Variants in EFCAB6 observed in about 807,000 individuals in gnomAD.
EFCAB6 encodes EF-hand calcium-binding domain-containing protein 6.
Under a neutral mutation model 169.8 loss-of-function variants are expected in EFCAB6, and 156 were observed. That is an observed-to-expected ratio of 0.92 (90% confidence interval 0.81 to 1.05). EFCAB6 has a LOEUF of 1.05. EFCAB6 is among the 50% of genes least tolerant of loss of function. The pLI is 0.00. For missense variants in EFCAB6, 1,800 were observed against 1,829.1 expected, an observed-to-expected ratio of 0.98 and a Z score of 0.29; for synonymous variants, 698 against 676.4, an observed-to-expected ratio of 1.03 and a Z score of -0.50.
intron 26 of EFCAB6, among the ~76,000 whole-genome samples, chr22:43,559,561 A>C (rs1288428276): frequency 6.6e-6 from 1 of 152,230 alleles, no homozygotes; most frequent in African/African-American, 2.4e-5. Flanking sequence ...ACACATACAC[A>C]TGTATGTTTA....
chr22:43,658,452 T>C (rs946314679), intron 17 of EFCAB6, among the ~76,000 whole-genome samples: 1 of 151,986 alleles, frequency 6.6e-6, no homozygotes, highest in Non-Finnish European at 1.5e-5. Flanking sequence ...AGTGACAAAA[T>C]TGGAGACCCG....
intron 10 of EFCAB6, among the ~76,000 whole-genome samples, chr22:43,705,779 C>T (rs768027915): frequency 1.3e-5 from 2 of 152,002 alleles, no homozygotes; most frequent in Non-Finnish European, 2.9e-5. Flanking sequence ...TAAATGCCTA[C>T]ACCAAACAAG....
intron 26 of EFCAB6, among the ~76,000 whole-genome samples, chr22:43,559,859 T>A (rs2048922582): frequency 6.6e-6 from 1 of 151,994 alleles, no homozygotes; most frequent in Non-Finnish European, 1.5e-5. Flanking sequence ...CTGGGGCCTA[T>A]TGTTGGGTGG....
Position 43,733,137 on chromosome 22 carries a change from A to C in EFCAB6, c.645-1326T>G, listed in dbSNP as rs149008742. ...ATGATCTCTAGGTGTGATCGCTGCC[A>C]GATGTTAACAGTGAAACTCCCTAAA... On this transcript the variant is annotated intron_variant, in intron 7 of 31. Transcript: ENST00000262726. Among the ~76,000 whole-genome samples the C allele has an allele frequency of 3.5e-3, 526 of 152,282 alleles. 1 individual carries two copies. The highest frequency in any genetic ancestry group is 0.012 in the African/African-American group (506 of 41,554).
chr22:43,623,739 CAA>C (rs137720), intron 20 of EFCAB6, among the ~76,000 whole-genome samples: 6,794 of 95,218 alleles, frequency 0.071, 275 homozygotes, highest in African/African-American at 0.14. Flanking sequence ...ACTAAAAATA[CAA>C]AAAAAAAAAA....
chr22:43,670,667 C>T (rs137768), intron 15 of EFCAB6, among the ~76,000 whole-genome samples: 82,485 of 152,100 alleles, frequency 0.54, 22,755 homozygotes, highest in East Asian at 0.77. Context: ...CATGTGGCTA[C>T]GTATGAAGCA....
chr22:43,577,307 G>A (rs1463507244), intron 25 of EFCAB6, among the ~76,000 whole-genome samples: 1 of 152,166 alleles, frequency 6.6e-6, no homozygotes, highest in Non-Finnish European at 1.5e-5. Flanking sequence ...GAAGAATTTA[G>A]CATGCCTGCA....
chr22:43,602,830 T>G (rs2052620880), intron 22 of EFCAB6, among the ~76,000 whole-genome samples: 2 of 152,056 alleles, frequency 1.3e-5, no homozygotes. Context: ...CCCGACGGGT[T>G]AGTGCATTTG....
intron 2 of EFCAB6, among the ~76,000 whole-genome samples, chr22:43,792,401 G>A (rs2062330552): frequency 6.6e-6 from 1 of 152,210 alleles, no homozygotes; most frequent in Non-Finnish European, 1.5e-5. Flanking sequence ...TGTGTGCAAG[G>A]GAAGTGGAGA....
chr22:43,736,040 G>A, intron 6 of EFCAB6, 47 bp from the exon 7 acceptor site: 2 of 1,496,014 alleles, frequency 1.3e-6, no homozygotes, highest in East Asian at 2.4e-5. Flanking sequence ...TCTAGTGTTA[G>A]GAACCAAATG....
chr22:43,680,060 G>A (rs1270143840), intron 12 of EFCAB6, among the ~76,000 whole-genome samples: 5 of 152,120 alleles, frequency 3.3e-5, no homozygotes, highest in Admixed American at 2.6e-4. Context: ...CTAACACAAG[G>A]TCACAAAGAT....
At chr22:43,578,877 T>C (rs897122215) in intron 25 of EFCAB6, among the ~76,000 whole-genome samples, 5 of 148,486 alleles carry the variant, frequency 3.4e-5, no homozygotes, top group African/African-American at 1.2e-4. Context: ...CAGGCATCAT[T>C]GTCTACATGC....
Position 43,648,378 on chromosome 22 carries a change from TA to T in EFCAB6, c.1984-13163del, listed in dbSNP as rs575902455. Among the ~76,000 whole-genome samples, 759 of 152,106 alleles carry T rather than the reference TA, an allele frequency of 5.0e-3. 7 individuals carry two copies. Among genetic ancestry groups the T allele is most frequent in the African/African-American group, 0.017 (711 of 41,494 alleles). On this transcript the variant is annotated intron_variant, in intron 17 of 31. Coordinates refer to ENST00000262726, the MANE Select transcript of EFCAB6 (RefSeq NM_022785.4). Reference sequence around the variant, plus strand: ...CACACCGTGGAATACTACACTGCCATAAAAAAAGACTGAAATCATGTCCTTT... The same window carrying T: ...CACACCGTGGAATACTACACTGCCATAAAAAAGACTGAAATCATGTCCTTT...
intron 15 of EFCAB6, among the ~76,000 whole-genome samples, chr22:43,671,724 C>T (rs2057501680): frequency 6.6e-6 from 1 of 152,156 alleles, no homozygotes; most frequent in African/African-American, 2.4e-5. Flanking sequence ...TTAACTTCTC[C>T]AGACCTCTGT....
intron 7 of EFCAB6, among the ~76,000 whole-genome samples, chr22:43,734,541 A>C (rs984847697): frequency 6.6e-6 from 1 of 152,184 alleles, no homozygotes; most frequent in Non-Finnish European, 1.5e-5. Context: ...CACAAGGTTT[A>C]TTGTCAAATA....
At chr22:43,701,951 A>C (rs919289037) in intron 10 of EFCAB6, among the ~76,000 whole-genome samples, 1 of 152,172 alleles carries the variant, frequency 6.6e-6, no homozygotes, top group Non-Finnish European at 1.5e-5. Context: ...CCTTTTAATA[A>C]TTATCTAATT....
chr22:43,600,893 C>T lies in EFCAB6; in HGVS notation c.2682-630G>A, dbSNP rs1003061633. On this transcript the variant is annotated intron_variant, in intron 22 of 31. Transcript: ENST00000262726. ...GGCCAAGCTGGTCTCAAACTCCTGA[C>T]CTCAGGTGATCCGCCGGCTTCGGCC... is the stretch of plus-strand genomic sequence containing the variant. Among the ~76,000 whole-genome samples, 15 of 152,202 alleles carry T rather than the reference C, an allele frequency of 9.9e-5. 1 individual carries two copies. The highest frequency in any genetic ancestry group is 9.2e-4 in the Admixed American group (14 of 15,288).
rs1321945308 is a variant in EFCAB6, at chr22:43,628,112, G to A, written c.2233-1433C>T. Among the ~76,000 whole-genome samples the A allele has an allele frequency of 6.6e-6, 1 of 151,990 alleles. No homozygotes were observed. The highest frequency in any genetic ancestry group is 2.4e-5 in the African/African-American group (1 of 41,368). On this transcript the variant is annotated intron_variant, in intron 19 of 31. Transcript: ENST00000262726. This position sits in a 1 kb window ranked among gnomAD's most constrained non-coding sequence, Gnocchi z 4.8. ...CCTGACCCACAGCCTCACATCTCCA[G>A]TGGTCTGGGGGCATTTTCTCTGGGA... is the stretch of plus-strand genomic sequence containing the variant.
Position 43,795,109 on chromosome 22 carries a change from C to G in EFCAB6, c.-7-12784G>C, listed in dbSNP as rs1015029110. Among the ~76,000 whole-genome samples the G allele has an allele frequency of 2.6e-5, 4 of 152,134 alleles. No individual in the cohort carries two copies. Among genetic ancestry groups the G allele is most frequent in the Admixed American group, 2.0e-4 (3 of 15,274 alleles). ...CCTCACACACTGTAAGACCCACCCC[C>G]ACAAACCTAGAAATCAAATGAAAAA... On this transcript the variant is annotated intron_variant, in intron 2 of 31. Transcript: ENST00000262726. The surrounding 1 kb of genome is among the most constrained non-coding windows in gnomAD (Gnocchi z 4.2).
Sources: allele counts gnomAD v4.1 joint callset (sites outside exome capture counted in the v4.1 genomes callset), GRCh38; gene constraint gnomAD v4.1.1; non-coding constraint Gnocchi (gnomAD v3.1); transcripts MANE v1.5; gene names NCBI Gene and HGNC (gene_info 2026-07-23, HGNC 2026-07-21).